BICRAL: variants seen among roughly 807,000 people sequenced by gnomAD.
BICRAL encodes the protein BRD4-interacting chromatin-remodeling complex-associated protein-like.
In BICRAL, 8 loss-of-function variants were observed where a neutral mutation model predicts 91.8. The ratio of observed to expected loss-of-function variants is 0.09; its 90% CI spans 0.05 to 0.16. The LOEUF (loss-of-function observed/expected upper bound fraction) is 0.16. Ranked by LOEUF, BICRAL falls within the 10% of genes least tolerant of loss-of-function variation. The pLI is 1.00. For missense variants in BICRAL, 1,038 were observed against 1,310.9 expected (o/e 0.79, Z 3.21); for synonymous variants, 445 against 491.1 (o/e 0.91, Z 1.24).
chr6:42,756,662 G>T (rs1261989522), intron 1 of BICRAL, among the ~76,000 whole-genome samples: 1 of 151,358 alleles, frequency 6.6e-6, no homozygotes, highest in Non-Finnish European at 1.5e-5. Context: ...ACGTAAGTCT[G>T]AGTTACTGAT....
chr6:42,840,378 G>A (rs1485842241), intron 6 of BICRAL, among the ~76,000 whole-genome samples: 2 of 151,936 alleles, frequency 1.3e-5, no homozygotes, highest in African/African-American at 4.8e-5. Flanking sequence ...AAGTAGCTGA[G>A]AGTACAGGCA....
intron 1 of BICRAL, among the ~76,000 whole-genome samples, chr6:42,765,625 A>AT (rs1762619862): frequency 6.6e-6 from 1 of 152,190 alleles, no homozygotes; most frequent in African/African-American, 2.4e-5. Flanking sequence ...CTTGAGTGAA[A>AT]TGTGTGTTGC....
chr6:42,799,072 C>T (rs1763494349), intron 1 of BICRAL, among the ~76,000 whole-genome samples: 1 of 151,932 alleles, frequency 6.6e-6, no homozygotes, highest in African/African-American at 2.4e-5. Flanking sequence ...AATTTTTTAC[C>T]CAGTAGAAAT....
At chr6:42,805,128 G>A (rs1033646430) in intron 1 of BICRAL, among the ~76,000 whole-genome samples, 3 of 152,244 alleles carry the variant, frequency 2.0e-5, no homozygotes, top group African/African-American at 7.2e-5. Flanking sequence ...TCTGAAGACA[G>A]GCTGAGGTTG....
intron 1 of BICRAL, among the ~76,000 whole-genome samples, chr6:42,790,660 G>T (rs1340197574): frequency 6.6e-6 from 1 of 151,876 alleles, no homozygotes; most frequent in Non-Finnish European, 1.5e-5. Context: ...GAATGGAGTA[G>T]ATGATGGAAT....
chr6:42,788,572 A>C (rs1017392126), intron 1 of BICRAL, among the ~76,000 whole-genome samples: 1 of 152,148 alleles, frequency 6.6e-6, no homozygotes, highest in African/African-American at 2.4e-5. Flanking sequence ...ACTTGCCTTT[A>C]GTGGGAGCAA....
At chr6:42,752,178 GA>G (rs951883487) in intron 1 of BICRAL, among the ~76,000 whole-genome samples, 9 of 152,216 alleles carry the variant, frequency 5.9e-5, no homozygotes, top group African/African-American at 1.9e-4. Flanking sequence ...AGCAGGACAG[GA>G]GCAGCCTTTT....
intron 11 of BICRAL, among the ~76,000 whole-genome samples, chr6:42,860,760 A>T (rs905065785): frequency 2.0e-5 from 3 of 152,354 alleles, no homozygotes; most frequent in Admixed American, 1.3e-4. Flanking sequence ...CTGAACAGAT[A>T]AGCTGGTGAC....
intron 6 of BICRAL, among the ~76,000 whole-genome samples, chr6:42,833,779 T>C (rs965783095): frequency 6.6e-6 from 1 of 152,138 alleles, no homozygotes; most frequent in African/African-American, 2.4e-5. Context: ...GATTTTAAAA[T>C]CTGCAACAGT....
intron 1 of BICRAL, among the ~76,000 whole-genome samples, chr6:42,784,518 A>G (rs1763045535): frequency 6.6e-6 from 1 of 152,174 alleles, no homozygotes; most frequent in Non-Finnish European, 1.5e-5. Flanking sequence ...TATATTGAAT[A>G]CCTGCTGTAT....
intron 1 of BICRAL, among the ~76,000 whole-genome samples, chr6:42,774,145 C>G (rs940318342): frequency 6.6e-6 from 1 of 152,038 alleles, no homozygotes; most frequent in African/African-American, 2.4e-5. Context: ...TTGAGAGAGA[C>G]GGAGGACTGA....
At chr6:42,851,613 A>G (rs1313475721) in intron 6 of BICRAL, among the ~76,000 whole-genome samples, 1 of 152,194 alleles carries the variant, frequency 6.6e-6, no homozygotes, top group Non-Finnish European at 1.5e-5. Context: ...GTAGTGATGA[A>G]ATATACTTTA....
intron 12 of BICRAL, among the ~76,000 whole-genome samples, chr6:42,863,923 G>A (rs559005682): frequency 2.0e-5 from 3 of 152,102 alleles, no homozygotes; most frequent in South Asian, 2.1e-4. Context: ...CAGCACTTTC[G>A]GAGGCCGAGG....
In BICRAL at chr6:42,754,485, G is replaced by A. The variant is rs188928223; in HGVS notation, c.-261+7462G>A. Among the ~76,000 whole-genome samples, 189 of 152,196 alleles carry A rather than the reference G, an allele frequency of 1.2e-3. 2 individuals carry two copies. Among genetic ancestry groups the A allele is most frequent in the African/African-American group, 4.2e-3 (173 of 41,528 alleles). ...CCGTGCCATACATAGACTTTTTGACGTCAACTCATAGTAACAGATGTGTCA... is the reference window on the plus strand; with the variant it reads ...CCGTGCCATACATAGACTTTTTGACATCAACTCATAGTAACAGATGTGTCA... On this transcript the variant is annotated intron_variant, in intron 1 of 14. Coordinates refer to the BICRAL transcript ENST00000614467.
intron 1 of BICRAL, among the ~76,000 whole-genome samples, chr6:42,799,108 T>C (rs1369886439): frequency 6.6e-6 from 1 of 152,154 alleles, no homozygotes; most frequent in African/African-American, 2.4e-5. Context: ...GGTCTCACTA[T>C]ATTGCCCAGG....
At chr6:42,794,966 A>AG (rs1763380573) in intron 1 of BICRAL, among the ~76,000 whole-genome samples, 1 of 151,058 alleles carries the variant, frequency 6.6e-6, no homozygotes, top group Non-Finnish European at 1.5e-5. Flanking sequence ...CATCTCAAAA[A>AG]AAAAAAAGAA....
At chr6:42,847,123 G>C (rs1344544459) in intron 6 of BICRAL, among the ~76,000 whole-genome samples, 5 of 152,154 alleles carry the variant, frequency 3.3e-5, no homozygotes, top group African/African-American at 1.2e-4. Flanking sequence ...AGTGGCGCAT[G>C]CCTATAGTCC....
intron 6 of BICRAL, among the ~76,000 whole-genome samples, chr6:42,833,246 G>A (rs558678997): frequency 4.0e-5 from 6 of 151,450 alleles, no homozygotes; most frequent in South Asian, 2.1e-4. Flanking sequence ...TAGTAGAGAC[G>A]GGGTTTCACC....
rs185909443 is a variant in BICRAL at position 42,868,488 on chromosome 6, T to G, written c.*3042T>G. On this transcript the variant is annotated 3_prime_UTR_variant, in exon 13 of 13. Transcript: ENST00000314073. ...CAGTAACTATATTGTTAATCCATGG[T>G]TAGGAAATGTTTAGTTGGAGATTAC... is the stretch of plus-strand genomic sequence containing the variant. The G allele has an allele frequency of 3.3e-4, 50 of 152,616 alleles. No individual in the cohort carries two copies. The highest frequency in any genetic ancestry group is 6.5e-4 in the Non-Finnish European group (44 of 68,018). 9.5% of individuals were successfully genotyped at this position (152,616 alleles called of 1,614,324 possible).
Sources: gnomAD v4.1 joint callset for allele counts (sites outside exome capture counted in the v4.1 genomes callset) on GRCh38, gnomAD v4.1.1 for gene constraint, MANE v1.5 for transcripts, NCBI Gene and HGNC (gene_info 2026-07-23, HGNC 2026-07-21) for gene names.